PASD1: variants seen among roughly 807,000 people sequenced by gnomAD.
The protein encoded by PASD1 is PAS domain containing repressor 1.
A neutral mutation model predicts 58.8 loss-of-function variants in PASD1; 13 were observed. The ratio of observed to expected loss-of-function variants is 0.22; its 90% CI spans 0.14 to 0.35. PASD1 has a LOEUF of 0.35. Ranked by LOEUF, PASD1 falls within the 10% of genes least tolerant of loss-of-function variation. PASD1 has a pLI of 1.00. For synonymous variants in PASD1, 236 were observed against 216.7 expected, an observed-to-expected ratio of 1.09 and a Z score of -0.78; for missense variants, 734 against 568.3, an observed-to-expected ratio of 1.29 and a Z score of -2.96.
chrX:151,618,627 A>T (rs1196480071), intron 4 of PASD1, among the ~76,000 whole-genome samples: 1 of 112,284 alleles, frequency 8.9e-6, no homozygotes. Flanking sequence ...TAATAAACAG[A>T]TAACAAAAAA....
intron 9 of PASD1, among the ~76,000 whole-genome samples, 179 bp from the exon 10 acceptor site, chrX:151,659,534 T>C (rs891061579): frequency 2.0e-4 from 22 of 112,486 alleles, no homozygotes; most frequent in African/African-American, 7.1e-4. Flanking sequence ...CCGCTTGTTA[T>C]CTTCCAGCAA....
chrX:151,587,848 G>A (rs186444315), intron 1 of PASD1, among the ~76,000 whole-genome samples: 5 of 111,724 alleles, frequency 4.5e-5, no homozygotes, highest in Non-Finnish European at 3.8e-5. Flanking sequence ...GATTTTATCC[G>A]TTGGAAAGTT....
At chrX:151,602,718 G>T (rs201727543) in intron 2 of PASD1, among the ~76,000 whole-genome samples, 40,765 of 103,611 alleles carry the variant, frequency 0.39, 6,879 homozygotes, top group Non-Finnish European at 0.46. Context: ...ATAATAAGAA[G>T]AAGAAGAAGA....
Position 151,676,491 on chromosome X carries a change from AGAAT to A in PASD1, c.*349_*352del. 5.8e-6 allele frequency: 1 copy of A among 173,747 alleles called. No homozygotes were observed. Among genetic ancestry groups the A allele is most frequent in the Non-Finnish European group, 1.1e-5 (1 of 92,568 alleles). 14.3% of individuals were successfully genotyped at this position (173,747 alleles called of 1,213,427 possible). A position where few individuals can be genotyped will look rare whatever the true frequency, so the allele number is the denominator to read the frequency against. The stretch of plus-strand genomic sequence containing the variant: ...AGTCTGCTCAAAGTTTTCAACATAA[AGAAT>A]AAAGAAAAAAAAATGCCAAAGTGCT... On this transcript the variant is annotated 3_prime_UTR_variant, in exon 16 of 16. Coordinates refer to ENST00000370357, the MANE Select transcript of PASD1 (RefSeq NM_173493.3).
intron 1 of PASD1, among the ~76,000 whole-genome samples, chrX:151,576,690 T>C (rs1041359953): frequency 3.6e-5 from 4 of 112,173 alleles, no homozygotes; most frequent in African/African-American, 1.3e-4. Flanking sequence ...TGTGTGTGTG[T>C]GCACACGTGT....
At position 151,673,993 on chromosome X, in the gene PASD1, C is replaced by G; in HGVS notation, c.1982C>G (p.Ser661Cys). The change falls in exon 15 of 16, where the codon TCT becomes TGT. Residue 661 changes from serine to cysteine, a missense_variant. By Grantham distance (112) the Ser-to-Cys change is moderately radical (BLOSUM62 -1). Transcript: ENST00000370357. ...CTGCCATTGATAGATACCTCAAACT[C>G]TGAGGCAATTTCTTCTTCCAGCATT... Reference protein sequence around the residue: ...NQLPLIDTSNSEAISSSSIPQ... With the variant: ...NQLPLIDTSNCEAISSSSIPQ... 8.3e-7 allele frequency: 1 copy of G among 1,210,916 alleles called. No individual in the cohort carries two copies. Among genetic ancestry groups the G allele is most frequent in the Non-Finnish European group, 1.1e-6 (1 of 894,542 alleles).
intron 1 of PASD1, among the ~76,000 whole-genome samples, chrX:151,565,087 G>A (rs73619805): frequency 0.019 from 2,141 of 111,883 alleles, 45 homozygotes; most frequent in African/African-American, 0.064. Context: ...ACAGAATCAG[G>A]CATCCTGGTT....
chrX:151,647,100 T>A (rs765611932), intron 8 of PASD1, among the ~76,000 whole-genome samples: 29 of 111,781 alleles, frequency 2.6e-4, no homozygotes, highest in Non-Finnish European at 9.4e-5. Flanking sequence ...TGAGGTTAGA[T>A]GCCCACATGC....
chrX:151,589,026 A>G (rs2013209283), intron 1 of PASD1, among the ~76,000 whole-genome samples: 1 of 110,998 alleles, frequency 9.0e-6, no homozygotes, highest in Non-Finnish European at 1.9e-5. Flanking sequence ...ACAGTTCTAC[A>G]CGTCAAGTAC....
chrX:151,640,277 TTG>T (rs1381493400), intron 8 of PASD1, among the ~76,000 whole-genome samples: 1 of 112,199 alleles, frequency 8.9e-6, no homozygotes, highest in African/African-American at 3.2e-5. Flanking sequence ...GTGTGTGTGT[TTG>T]TGTGTGTCTT....
At chrX:151,596,015 C>T (rs899632637) in intron 1 of PASD1, among the ~76,000 whole-genome samples, 25 of 111,613 alleles carry the variant, frequency 2.2e-4, no homozygotes, top group Admixed American at 2.2e-3. Context: ...TACCTGCTTT[C>T]CAGTGTCTTA....
chrX:151,645,729 T>TC (rs2014052599), intron 8 of PASD1: 1 of 111,805 alleles, frequency 8.9e-6, no homozygotes, highest in South Asian at 3.8e-4. Flanking sequence ...TTGTATCTGT[T>TC]CCTAACCAAA....
Position 151,658,122 on chromosome X carries a change from A to G in PASD1, c.718-1591A>G, listed in dbSNP as rs181853895. ...GGAGTTTGCATTTGAAGCCTACTCT[A>G]TATCCAGCCTCAAAACCCATGCCTC... On this transcript the variant is annotated intron_variant, in intron 9 of 15. Coordinates refer to ENST00000370357, the MANE Select transcript of PASD1 (RefSeq NM_173493.3). 3.6e-5 allele frequency among the ~76,000 whole-genome samples: 4 copies of G among 111,822 alleles called. No individual in the cohort carries two copies. In the East Asian group the frequency reaches 1.1e-3, roughly 32 times the overall value.
intron 8 of PASD1, among the ~76,000 whole-genome samples, chrX:151,626,922 G>C (rs1041919911): frequency 1.8e-5 from 2 of 111,854 alleles, no homozygotes; most frequent in African/African-American, 3.2e-5. Flanking sequence ...CCCATCAGAA[G>C]AGTACAGAGG....
intron 11 of PASD1, among the ~76,000 whole-genome samples, chrX:151,669,063 T>G (rs5970092): frequency 0.029 from 3,105 of 108,590 alleles, 90 homozygotes; most frequent in African/African-American, 0.09. Context: ...TTATTACTGT[T>G]TTTTAAACTT....
chrX:151,587,225 C>CTTTTTTTT (rs33922090), intron 1 of PASD1, among the ~76,000 whole-genome samples: 1 of 82,483 alleles, frequency 1.2e-5, no homozygotes, highest in Non-Finnish European at 2.3e-5. Context: ...CTGGGTTTGC[C>CTTTTTTTT]TTTTTTTTTT....
At chrX:151,655,793 A>G (rs1442031746) in intron 9 of PASD1, among the ~76,000 whole-genome samples, 2 of 111,241 alleles carry the variant, frequency 1.8e-5, no homozygotes, top group Non-Finnish European at 3.8e-5. Flanking sequence ...ATTTTCTCCC[A>G]TTTTGTAGGT....
intron 8 of PASD1, among the ~76,000 whole-genome samples, chrX:151,629,772 G>A (rs937266838): frequency 9.8e-5 from 11 of 112,022 alleles, no homozygotes; most frequent in African/African-American, 3.2e-4. Flanking sequence ...ACATATTCTT[G>A]CATGCACCCT....
At chrX:151,653,262 G>A (rs1017345545) in intron 9 of PASD1, among the ~76,000 whole-genome samples, 16 of 107,010 alleles carry the variant, frequency 1.5e-4, no homozygotes, top group South Asian at 4.2e-4. Flanking sequence ...GTGCCGTCTC[G>A]GCTCACTGCA....
Sources: allele counts gnomAD v4.1 joint callset (sites outside exome capture counted in the v4.1 genomes callset), GRCh38; gene constraint gnomAD v4.1.1; transcripts MANE v1.5; gene names NCBI Gene and HGNC (gene_info 2026-07-23, HGNC 2026-07-21).